The following TTC7A variants were observed in gnomAD, a reference collection of about 807,000 sequenced individuals.
TTC7A encodes tetratricopeptide repeat domain 7A.
A neutral mutation model predicts 103.7 loss-of-function variants in TTC7A; 110 were observed. The ratio of observed to expected loss-of-function variants is 1.06; its 90% confidence interval spans 0.91 to 1.24. TTC7A has a LOEUF of 1.24. TTC7A is among the 50% of genes most tolerant of loss of function. The pLI is 0.00. For missense variants in TTC7A, 1,340 were observed against 1,116.3 expected (o/e 1.20, Z -2.86); for synonymous variants, 521 against 467.9 (o/e 1.11, Z -1.47).
chr2:47,006,790 G>A, intron 10 of TTC7A, 66 bp downstream of exon 10: 1 of 1,325,308 alleles, frequency 7.5e-7, no homozygotes, highest in Non-Finnish European at 1.1e-6. Flanking sequence ...GATGGACAGA[G>A]GGGCTTTTCT....
intron 2 of TTC7A, among the ~76,000 whole-genome samples, chr2:46,956,124 G>C (rs985520667): frequency 6.6e-6 from 1 of 152,250 alleles, no homozygotes; most frequent in Non-Finnish European, 1.5e-5. Context: ...GACCACTGCA[G>C]GCCCTAAGGG....
At chr2:47,050,232 C>T in intron 17 of TTC7A, 186 bp downstream of exon 17, 1 of 598,200 alleles carries the variant, frequency 1.7e-6, no homozygotes, top group Non-Finnish European at 3.0e-6. Flanking sequence ...CTGCTGGTCC[C>T]ACAGTGGGCA....
chr2:46,997,809 C>G (rs1245077988), intron 8 of TTC7A, among the ~76,000 whole-genome samples: 1 of 152,126 alleles, frequency 6.6e-6, no homozygotes, highest in African/African-American at 2.4e-5. Context: ...TGAAGCTGAG[C>G]TCTGTCTTCC....
At chr2:47,071,453 A>T (rs1013326898) in intron 19 of TTC7A, among the ~76,000 whole-genome samples, 1 of 152,136 alleles carries the variant, frequency 6.6e-6, no homozygotes, top group Non-Finnish European at 1.5e-5. Flanking sequence ...CCCTCTGCTC[A>T]TCTTGAAGGC....
chr2:47,041,372 C>T (rs548702246), intron 15 of TTC7A, among the ~76,000 whole-genome samples: 4 of 152,292 alleles, frequency 2.6e-5, no homozygotes, highest in Non-Finnish European at 5.9e-5. Context: ...TGGGGACGCA[C>T]GATGAGGCAC....
intron 8 of TTC7A, among the ~76,000 whole-genome samples, chr2:46,996,353 G>A (rs1006140453): frequency 1.1e-4 from 16 of 152,208 alleles, no homozygotes; most frequent in Non-Finnish European, 7.4e-5. Flanking sequence ...TTAAAAAAAC[G>A]ACGCATCTGA....
At chr2:46,980,514 A>G (rs1180185072) in intron 5 of TTC7A, among the ~76,000 whole-genome samples, 3 of 152,110 alleles carry the variant, frequency 2.0e-5, no homozygotes, top group South Asian at 2.1e-4. Flanking sequence ...GCCTGGCCCT[A>G]CTTTATACTC....
chr2:47,064,410 A>C (rs2104794771), intron 19 of TTC7A, among the ~76,000 whole-genome samples: 1 of 152,374 alleles, frequency 6.6e-6, no homozygotes, highest in South Asian at 2.1e-4. Flanking sequence ...TCACTGGCAG[A>C]AAATTCTAGC....
rs1356704940 is a variant in TTC7A at position 46,923,328 on chromosome 2, C to T, written c.82+6051C>T. Reference sequence around the variant, plus strand: ...AAGAGTCCCAACCTTCTAATCACACCTTGGTCTTTCCAGTAAAGAGCTGTC... The same window carrying T: ...AAGAGTCCCAACCTTCTAATCACACTTTGGTCTTTCCAGTAAAGAGCTGTC... On this transcript the variant is annotated intron_variant, in intron 2 of 20. Coordinates refer to the TTC7A transcript ENST00000409245. Among the ~76,000 whole-genome samples, 35 of 151,864 alleles carry T rather than the reference C, an allele frequency of 2.3e-4. 1 individual carries two copies. The highest frequency in any genetic ancestry group is 2.3e-3 in the Admixed American group (35 of 15,256).
intron 19 of TTC7A, among the ~76,000 whole-genome samples, chr2:47,073,166 G>A (rs1048097541): frequency 3.9e-5 from 6 of 152,192 alleles, no homozygotes; most frequent in Non-Finnish European, 5.9e-5. Context: ...GTGAAGGCCT[G>A]TAATGCGTCC....
intron 1 of TTC7A, among the ~76,000 whole-genome samples, chr2:46,916,918 C>A (rs995312792): frequency 1.3e-5 from 2 of 152,094 alleles, no homozygotes; most frequent in Non-Finnish European, 2.9e-5. Context: ...CAGGCGTGAG[C>A]CACCACTCCC....
At chr2:47,029,706 A>G (rs7575848) in intron 15 of TTC7A, among the ~76,000 whole-genome samples, 3,584 of 152,314 alleles carry the variant, frequency 0.024, 161 homozygotes, top group African/African-American at 0.081. Flanking sequence ...TGGGCTCTGC[A>G]TCAGCCTCAG....
intron 19 of TTC7A, among the ~76,000 whole-genome samples, chr2:47,072,593 G>A (rs1684853350): frequency 6.6e-6 from 1 of 152,232 alleles, no homozygotes; most frequent in Admixed American, 6.5e-5. Context: ...GGCCGTCAGT[G>A]GGCGGGCACC....
intron 1 of TTC7A, among the ~76,000 whole-genome samples, chr2:46,945,891 G>A (rs1670893656): frequency 6.6e-6 from 1 of 152,190 alleles, no homozygotes; most frequent in Admixed American, 6.5e-5. Context: ...CCTGGGAGGT[G>A]AGCAGCTGCA....
At chr2:47,070,022 C>T (rs1457440262) in intron 19 of TTC7A, among the ~76,000 whole-genome samples, 2 of 151,856 alleles carry the variant, frequency 1.3e-5, no homozygotes, top group Non-Finnish European at 2.9e-5. Context: ...CTCAGCCTGG[C>T]CCACAGCTGG....
chr2:47,036,025 CT>C (rs1681064424), intron 15 of TTC7A, among the ~76,000 whole-genome samples: 1 of 152,250 alleles, frequency 6.6e-6, no homozygotes, highest in Non-Finnish European at 1.5e-5. Flanking sequence ...TCTTCCACCC[CT>C]GAATGGCCAT....
At chr2:46,919,850 C>T (rs1669006490) in intron 2 of TTC7A, among the ~76,000 whole-genome samples, 1 of 152,248 alleles carries the variant, frequency 6.6e-6, no homozygotes, top group Admixed American at 6.5e-5. Flanking sequence ...AAAGGTCTTG[C>T]TCTATCACCC....
chr2:47,004,944 C>T (rs1024678268), intron 8 of TTC7A, among the ~76,000 whole-genome samples: 5 of 152,126 alleles, frequency 3.3e-5, no homozygotes, highest in Non-Finnish European at 1.5e-5. Context: ...CTGCACATAC[C>T]AAAGAACACA....
At chr2:47,038,149 C>T (rs1179798883) in intron 15 of TTC7A, among the ~76,000 whole-genome samples, 2 of 151,820 alleles carry the variant, frequency 1.3e-5, no homozygotes, top group Non-Finnish European at 2.9e-5. Flanking sequence ...GTCCCAGCTA[C>T]TCAGGAGGCT....
Sources: allele counts gnomAD v4.1 joint callset (sites outside exome capture counted in the v4.1 genomes callset), GRCh38; gene constraint gnomAD v4.1.1; transcripts MANE v1.5; gene names NCBI Gene and HGNC (gene_info 2026-07-23, HGNC 2026-07-21).